Variants in COL4A6 observed in about 807,000 individuals in gnomAD.
COL4A6 encodes the protein collagen alpha-6(IV) chain.
Under a neutral mutation model 126.7 loss-of-function variants are expected in COL4A6, and 59 were observed. The ratio of observed to expected loss-of-function variants is 0.47; its 90% confidence interval spans 0.38 to 0.58. COL4A6 has a LOEUF of 0.58. Among genes scored for constraint, COL4A6 ranks in the 20% least tolerant of loss-of-function variants. The pLI is 0.00. For synonymous variants in COL4A6, 547 were observed against 496.6 expected, an observed-to-expected ratio of 1.10 and a Z score of -1.35; for missense variants, 1,285 against 1,337.3, an observed-to-expected ratio of 0.96 and a Z score of 0.61.
intron 3 of COL4A6, among the ~76,000 whole-genome samples, chrX:108,228,669 G>A (rs1474356604): frequency 8.9e-6 from 1 of 112,141 alleles, no homozygotes; most frequent in Non-Finnish European, 1.9e-5. Flanking sequence ...GGTACAGAGT[G>A]AAGGGTGGGG....
intron 3 of COL4A6, among the ~76,000 whole-genome samples, chrX:108,302,525 A>G (rs899590472): frequency 1.8e-5 from 2 of 111,832 alleles, no homozygotes; most frequent in African/African-American, 3.3e-5. Context: ...TTACATTACT[A>G]GTATTATCTC....
At chrX:108,394,925 T>C (rs1372145302) in intron 2 of COL4A6, among the ~76,000 whole-genome samples, 3 of 111,331 alleles carry the variant, frequency 2.7e-5, no homozygotes, top group South Asian at 3.9e-4. Flanking sequence ...GTTTTATATA[T>C]TAAGCAGAAG....
Position 108,310,751 on chromosome X carries a change from C to A in COL4A6, c.141G>T (p.Ala47=). The A allele has an allele frequency of 2.5e-6, 3 of 1,207,409 alleles. No homozygotes were observed. The highest frequency in any genetic ancestry group is 3.4e-6 in the Non-Finnish European group (3 of 891,948). ...AACAATGAAATAAGCAACTTACTCT[C>A]GCTCCTTTCTCAGGAAAACACTGAC... ...GSCQCFPEKG[A]RGRPGPIGIQ... Residue 47 remains alanine (A), a synonymous_variant, in exon 3 of 45, where the codon GCG becomes GCT. Coordinates refer to ENST00000334504, the MANE Select transcript of COL4A6 (RefSeq NM_033641.4).
chrX:108,283,793 A>G (rs888826083), intron 3 of COL4A6, among the ~76,000 whole-genome samples: 1 of 111,531 alleles, frequency 9.0e-6, no homozygotes, highest in African/African-American at 3.3e-5. Context: ...ACAAGAATGT[A>G]TTAGACATGG....
In COL4A6 at chrX:108,178,928, C is replaced by T. The variant is rs2034588272; in HGVS notation, c.2354-83G>A. 6 of 1,031,629 alleles carry T rather than the reference C, an allele frequency of 5.8e-6. No individual in the cohort carries two copies. The East Asian group carries it at 1.6e-4, about 27-fold the overall frequency. The allele number at this position is 1,031,629 out of a possible 1,213,427, so 85.0% of individuals were successfully genotyped here. On this transcript the variant is annotated intron_variant, in intron 26 of 44. Coordinates refer to ENST00000334504, the MANE Select transcript of COL4A6 (RefSeq NM_033641.4). ...GCAAACCAACTTCCAGGACTTATCC[C>T]AGGTGCCACTGTCTTCTCAGCTCCA...
intron 2 of COL4A6, among the ~76,000 whole-genome samples, chrX:108,356,529 G>A (rs2039964777): frequency 1.8e-5 from 2 of 110,455 alleles, no homozygotes; most frequent in South Asian, 7.8e-4. Context: ...GGTTTGAAGG[G>A]TGAAAAACTC....
chrX:108,298,786 CCT>C (rs1189121789), intron 3 of COL4A6, among the ~76,000 whole-genome samples: 2 of 109,222 alleles, frequency 1.8e-5, no homozygotes, highest in Admixed American at 1.9e-4. Flanking sequence ...CTCCAAGGGA[CCT>C]TGGAGGCCTT....
chrX:108,332,137 G>A (rs1292261407), intron 2 of COL4A6, among the ~76,000 whole-genome samples: 3 of 111,334 alleles, frequency 2.7e-5, no homozygotes, highest in African/African-American at 9.8e-5. Flanking sequence ...ATTTCACTCA[G>A]GAAAATGGCC....
At chrX:108,292,654 A>C (rs955282530) in intron 3 of COL4A6, among the ~76,000 whole-genome samples, 3 of 111,439 alleles carry the variant, frequency 2.7e-5, no homozygotes, top group Admixed American at 9.6e-5. Context: ...ACATATCTAT[A>C]GGACAAAGTG....
chrX:108,272,687 A>G (rs1017373965), intron 3 of COL4A6, among the ~76,000 whole-genome samples: 1 of 110,594 alleles, frequency 9.0e-6, no homozygotes, highest in Admixed American at 9.6e-5. Context: ...TTCTCCAGAA[A>G]TGCTTTTTTT....
At chrX:108,404,327 G>A (rs1168824979) in intron 2 of COL4A6, among the ~76,000 whole-genome samples, 3 of 111,613 alleles carry the variant, frequency 2.7e-5, no homozygotes, top group African/African-American at 9.8e-5. Context: ...GACTTCCAGG[G>A]ACTTATTTAT....
intron 2 of COL4A6, among the ~76,000 whole-genome samples, chrX:108,331,772 T>A (rs1409587283): frequency 1.8e-5 from 2 of 111,560 alleles, no homozygotes; most frequent in African/African-American, 6.5e-5. Context: ...CTCAGTCTTT[T>A]TCTCTTGAGG....
chrX:108,182,913 A>C (rs2034730777), intron 23 of COL4A6, among the ~76,000 whole-genome samples: 1 of 112,757 alleles, frequency 8.9e-6, no homozygotes, highest in African/African-American at 3.2e-5. Context: ...ATAAAAACAA[A>C]GCCTTTAGAA....
At chrX:108,179,165 T>TTAATA in intron 26 of COL4A6, 52 bp downstream of exon 26, 1 of 1,087,266 alleles carries the variant, frequency 9.2e-7, no homozygotes, top group Non-Finnish European at 1.3e-6. Flanking sequence ...AGTATACGAA[T>TTAATA]TAATATAAGG....
intron 3 of COL4A6, among the ~76,000 whole-genome samples, chrX:108,237,859 C>CATCTATCT (rs36190820): frequency 3.2e-4 from 29 of 91,637 alleles, no homozygotes; most frequent in African/African-American, 3.6e-4. Context: ...CTGTCTCTAT[C>CATCTATCT]ATCTATCTAT....
At chrX:108,210,726 T>C (rs769890121) in intron 7 of COL4A6, among the ~76,000 whole-genome samples, 4 of 112,139 alleles carry the variant, frequency 3.6e-5, no homozygotes, top group Non-Finnish European at 7.5e-5. Context: ...GCAAGTCACA[T>C]AGCCTCAGTA....
intron 2 of COL4A6, among the ~76,000 whole-genome samples, chrX:108,404,203 A>G (rs1230482506): frequency 8.9e-6 from 1 of 112,099 alleles, no homozygotes; most frequent in Non-Finnish European, 1.9e-5. Context: ...TGCAACACAG[A>G]CTAAGACATA....
intron 2 of COL4A6, among the ~76,000 whole-genome samples, chrX:108,366,516 C>T (rs1213149904): frequency 4.5e-5 from 5 of 112,123 alleles, no homozygotes; most frequent in African/African-American, 1.6e-4. Context: ...ACCCAAAAGG[C>T]TATTAATTTC....
intron 10 of COL4A6, 72 bp from the exon 11 acceptor site, chrX:108,205,552 T>C: frequency 3.6e-6 from 4 of 1,122,040 alleles, no homozygotes; most frequent in Non-Finnish European, 3.7e-6. Flanking sequence ...TAAATTGGAA[T>C]GCAATCTTTT....
Sources: allele counts gnomAD v4.1 joint callset (sites outside exome capture counted in the v4.1 genomes callset), GRCh38; gene constraint gnomAD v4.1.1; transcripts MANE v1.5; gene names NCBI Gene and HGNC (gene_info 2026-07-23, HGNC 2026-07-21).